The following SERPINE3 variants were observed in gnomAD, a reference collection of about 807,000 sequenced individuals.
SERPINE3 encodes serpin E3.
In SERPINE3, 43 loss-of-function variants were observed where a neutral mutation model predicts 41.7. The observed-to-expected ratio is 1.03, with a 90% confidence interval of 0.81 to 1.33. The LOEUF is 1.33. SERPINE3 is among the 40% of genes most tolerant of loss of function. SERPINE3 has a pLI of 0.00. For missense variants in SERPINE3, 440 were observed against 491.7 expected, an observed-to-expected ratio of 0.89 and a Z score of 0.99; for synonymous variants, 200 against 192.2, an observed-to-expected ratio of 1.04 and a Z score of -0.34.
rs370556195 is a variant in SERPINE3, at chr13:51,344,421, C to T, written c.426C>T (p.Ala142=). Residue 142 remains alanine, a synonymous_variant, in exon 4 of 10, where the codon GCC becomes GCT. Coordinates refer to ENST00000681248, the MANE Select transcript of SERPINE3 (RefSeq NM_001386375.1). The part of the protein sequence containing the change: ...SWWANSSLEP[A]DLSEPNSTAI... ...GGGCTAACAGCAGCCTGGAACCAGC[C>T]GACCTCAGTGAGCCCAATAGCACCG... is the stretch of plus-strand genomic sequence containing the variant. 1.0e-4 allele frequency: 168 copies of T among 1,609,712 alleles called. No homozygotes were observed. The highest frequency in any genetic ancestry group is 6.6e-4 in the Middle Eastern group (4 of 6,058).
intron 6 of SERPINE3, among the ~76,000 whole-genome samples, chr13:51,349,673 A>C (rs1955386320): frequency 6.6e-6 from 1 of 152,200 alleles, no homozygotes; most frequent in East Asian, 1.9e-4. Context: ...CTCCACTGAG[A>C]ACTCTCCACC....
chr13:51,362,058 T>TAAAAG (rs1955589260), intron 9 of SERPINE3, 165 bp downstream of exon 9: 1 of 1,575,896 alleles, frequency 6.3e-7, no homozygotes. Context: ...GAAAGGGGAC[T>TAAAAG]ATTTCGTAAG....
intron 4 of SERPINE3, 69 bp from the exon 5 acceptor site, chr13:51,346,954 GCA>G: frequency 8.7e-7 from 1 of 1,153,734 alleles, no homozygotes; most frequent in Non-Finnish European, 1.3e-6. Context: ...CTCCTTGTCC[GCA>G]CACACACTGG....
chr13:51,347,964 C>G (rs796301402), intron 5 of SERPINE3, among the ~76,000 whole-genome samples: 21 of 152,226 alleles, frequency 1.4e-4, no homozygotes, highest in African/African-American at 4.3e-4. Context: ...CGTCCCCCCC[C>G]CCATACCCAG....
In SERPINE3 at chr13:51,349,648, C is replaced by G. The variant is rs181617885; in HGVS notation, c.899+1237C>G. Among the ~76,000 whole-genome samples the G allele has an allele frequency of 2.1e-3, 323 of 152,214 alleles. 2 individuals are homozygous for G. The highest frequency in any genetic ancestry group is 1.4e-3 in the Non-Finnish European group (98 of 68,014). On this transcript the variant is annotated intron_variant, in intron 6 of 9. Coordinates refer to ENST00000681248, the MANE Select transcript of SERPINE3 (RefSeq NM_001386375.1). ...AGCAGTTCTTCCCTGGAAGAGACCC[C>G]GGGGAAATTCCCAGCTCCACTGAGA... is the stretch of plus-strand genomic sequence containing the variant.
At chr13:51,342,503 C>G (rs1955303844) in intron 3 of SERPINE3, among the ~76,000 whole-genome samples, 1 of 152,214 alleles carries the variant, frequency 6.6e-6, no homozygotes. Context: ...CATTTTTTAC[C>G]CTGTCATTGC....
intron 4 of SERPINE3, among the ~76,000 whole-genome samples, chr13:51,345,467 GCCTGTAATC>G (rs1955336709): frequency 6.6e-6 from 1 of 151,982 alleles, no homozygotes; most frequent in African/African-American, 2.4e-5. Flanking sequence ...GGTGGCATGT[GCCTGTAATC>G]CCAGCTACTC....
At position 51,364,391 on chromosome 13, in the gene SERPINE3, G is replaced by A. The variant is rs994337229; in HGVS notation, c.*109G>A. On this transcript the variant is annotated 3_prime_UTR_variant, in exon 10 of 10. Coordinates refer to ENST00000681248, the MANE Select transcript of SERPINE3 (RefSeq NM_001386375.1). The stretch of plus-strand genomic sequence containing the variant: ...TCTGATAAAGTGTAAAAAGCTAAGG[G>A]TATGTGATTTTCAATATTATAAACC... The A allele has an allele frequency of 1.9e-5, 11 of 587,164 alleles. No individual in the cohort carries two copies. The African/African-American group carries it at 2.1e-4, about 11-fold the overall frequency. 36.4% of individuals were successfully genotyped at this position (587,164 alleles called of 1,614,324 possible). A position where few individuals can be genotyped will look rare whatever the true frequency, so the allele number is the denominator to read the frequency against.
Position 51,364,363 on chromosome 13 carries a change from A to T in SERPINE3, c.*81A>T, listed in dbSNP as rs952110343. ...TGCTATACCCTTGAAATTTAAAAAA[A>T]TGTCTGATAAAGTGTAAAAAGCTAA... On this transcript the variant is annotated 3_prime_UTR_variant, in exon 10 of 10. Transcript: ENST00000681248. 7.9e-6 allele frequency: 6 copies of T among 759,924 alleles called. No individual in the cohort carries two copies. In the Admixed American group the frequency reaches 1.2e-4, roughly 16 times the overall value. The allele number at this position is 759,924 out of a possible 1,614,324, so 47.1% of individuals were successfully genotyped here. A position where few individuals can be genotyped will look rare whatever the true frequency, so the allele number is the denominator to read the frequency against.
intron 6 of SERPINE3, among the ~76,000 whole-genome samples, chr13:51,350,883 A>C (rs961288069): frequency 6.6e-6 from 1 of 152,282 alleles, no homozygotes; most frequent in African/African-American, 2.4e-5. Context: ...AAATTATACA[A>C]TTACATATTG....
At chr13:51,350,978 C>G (rs1478159739) in intron 6 of SERPINE3, among the ~76,000 whole-genome samples, 2 of 152,106 alleles carry the variant, frequency 1.3e-5, no homozygotes, top group Non-Finnish European at 2.9e-5. Flanking sequence ...TCAATACTAT[C>G]TTCCTTTTTA....
chr13:51,352,075 T>G lies in SERPINE3; in HGVS notation c.900-2968T>G, dbSNP rs551564651. ...CTTCAACTTTCTTCTTTTTCAAGAT[T>G]GTTTTAGCTATTCTGGGCCCCTTGC... On this transcript the variant is annotated intron_variant, in intron 6 of 9. Transcript: ENST00000681248. 2.1e-4 allele frequency among the ~76,000 whole-genome samples: 32 copies of G among 152,250 alleles called. No individual in the cohort carries two copies. In the South Asian group the frequency reaches 6.0e-3, roughly 29 times the overall value.
At position 51,348,415 on chromosome 13, in the gene SERPINE3, A is replaced by T; in HGVS notation, c.899+4A>T. On this transcript the variant is annotated splice_donor_region_variant and intron_variant, in intron 6 of 9. Coordinates refer to ENST00000681248, the MANE Select transcript of SERPINE3 (RefSeq NM_001386375.1). ...GGATGGATGTGTTCCTGCCCAGGTG[A>T]GCAGCTGAGTCCCCCTCACAGGTGC... The T allele has an allele frequency of 6.2e-7, 1 of 1,612,110 alleles. No individual in the cohort carries two copies. The highest frequency in any genetic ancestry group is 8.5e-7 in the Non-Finnish European group (1 of 1,179,252).
chr13:51,347,573 C>T (rs925402032), intron 5 of SERPINE3, among the ~76,000 whole-genome samples: 5 of 152,178 alleles, frequency 3.3e-5, no homozygotes, highest in Non-Finnish European at 5.9e-5. Context: ...CCTTTAAGAT[C>T]GGGTACAGTA....
intron 7 of SERPINE3, among the ~76,000 whole-genome samples, chr13:51,357,213 T>C (rs1955493800): frequency 6.6e-6 from 1 of 152,168 alleles, no homozygotes; most frequent in South Asian, 2.1e-4. Flanking sequence ...TTAAACATAA[T>C]CAAGAGACTA....
rs74084808 is a variant in SERPINE3, at chr13:51,355,601, A to G, written c.1000+458A>G. Among the ~76,000 whole-genome samples the G allele has an allele frequency of 5.8e-3, 879 of 151,848 alleles. 10 individuals carry two copies. Among genetic ancestry groups the G allele is most frequent in the African/African-American group, 0.02 (838 of 41,390 alleles). On this transcript the variant is annotated intron_variant, in intron 7 of 9. Coordinates refer to ENST00000681248, the MANE Select transcript of SERPINE3 (RefSeq NM_001386375.1). ...CTTGAAACCTTCCCTCATCTGTCCA[A>G]TTTCCTTTTTTCAAATTACCCATAC...
At chr13:51,339,948 G>C (rs1250619498) in intron 1 of SERPINE3, among the ~76,000 whole-genome samples, 1 of 152,140 alleles carries the variant, frequency 6.6e-6, no homozygotes, top group African/African-American at 2.4e-5. Context: ...GAGAGAGAGA[G>C]AGCCCTATGT....
At chr13:51,345,592 C>CA (rs753888958) in intron 4 of SERPINE3, among the ~76,000 whole-genome samples, 8,243 of 35,516 alleles carry the variant, frequency 0.23, 1,352 homozygotes, top group Non-Finnish European at 0.35. Flanking sequence ...GATTTCATCT[C>CA]AAAAAAAAAA....
At chr13:51,348,103 C>T in intron 5 of SERPINE3, 110 bp from the exon 6 acceptor site, 1 of 788,360 alleles carries the variant, frequency 1.3e-6, no homozygotes, top group Non-Finnish European at 2.0e-6. Flanking sequence ...GAGGTGGATG[C>T]TCGGTTTTAT....
Sources: allele counts gnomAD v4.1 joint callset (sites outside exome capture counted in the v4.1 genomes callset), GRCh38; gene constraint gnomAD v4.1.1; transcripts MANE v1.5; gene names NCBI Gene and HGNC (gene_info 2026-07-23, HGNC 2026-07-21).